Variants in ZCCHC7 observed in about 807,000 individuals in gnomAD.
ZCCHC7 encodes zinc finger CCHC domain-containing protein 7.
Under a neutral mutation model 52.0 loss-of-function variants are expected in ZCCHC7, and 35 were observed. The observed-to-expected ratio is 0.67, with a 90% CI of 0.51 to 0.89. The LOEUF (loss-of-function observed/expected upper bound fraction) is 0.89, where lower values mean the gene tolerates loss of function less well. Ranked by LOEUF, ZCCHC7 falls within the 40% of genes least tolerant of loss-of-function variation. The pLI, the probability that ZCCHC7 is intolerant of heterozygous loss-of-function variation, is 0.00. For synonymous variants in ZCCHC7, 217 were observed against 221.5 expected, an observed-to-expected ratio of 0.98 and a Z score of 0.18; for missense variants, 574 against 649.1, an observed-to-expected ratio of 0.88 and a Z score of 1.26.
At chr9:37,186,631 A>C (rs1180909239) in intron 2 of ZCCHC7, 1 of 472,798 alleles carries the variant, frequency 2.1e-6, no homozygotes, top group Non-Finnish European at 4.0e-6. Context: ...AGTATTGCTG[A>C]GTATCATGTA....
At chr9:37,274,613 A>G (rs763744326) in intron 2 of ZCCHC7, among the ~76,000 whole-genome samples, 24 of 152,068 alleles carry the variant, frequency 1.6e-4, no homozygotes, top group Non-Finnish European at 3.1e-4. Flanking sequence ...TGTTGGGATT[A>G]CAGGCATGAG....
intron 2 of ZCCHC7, among the ~76,000 whole-genome samples, chr9:37,297,529 A>C (rs1464238257): frequency 6.6e-6 from 1 of 152,232 alleles, no homozygotes; most frequent in East Asian, 1.9e-4. Context: ...AATCATACAT[A>C]CCTACCTTTT....
At chr9:37,189,353 C>G (rs1457408011) in intron 2 of ZCCHC7, among the ~76,000 whole-genome samples, 1 of 151,928 alleles carries the variant, frequency 6.6e-6, no homozygotes, top group African/African-American at 2.4e-5. Flanking sequence ...ATTTTGAGAC[C>G]TTTTGTCTTG....
intron 2 of ZCCHC7, among the ~76,000 whole-genome samples, chr9:37,179,039 C>T (rs1822207820): frequency 6.6e-6 from 1 of 152,130 alleles, no homozygotes; most frequent in East Asian, 1.9e-4. Context: ...TTGCCTCTGT[C>T]ATTATGTACT....
intron 5 of ZCCHC7, among the ~76,000 whole-genome samples, chr9:37,319,502 A>C (rs554272896): frequency 6.6e-6 from 1 of 152,242 alleles, no homozygotes; most frequent in South Asian, 2.1e-4. Flanking sequence ...ATCTCGGCTC[A>C]CTGCAACCTC....
At chr9:37,153,216 G>T (rs1386750221) in intron 2 of ZCCHC7, among the ~76,000 whole-genome samples, 1 of 151,932 alleles carries the variant, frequency 6.6e-6, no homozygotes, top group African/African-American at 2.4e-5. Context: ...TTTTGCCCAG[G>T]CTGGAGTGCA....
At chr9:37,232,057 G>A in intron 2 of ZCCHC7, among the ~76,000 whole-genome samples, 1 of 152,242 alleles carries the variant, frequency 6.6e-6, no homozygotes, top group East Asian at 1.9e-4. Flanking sequence ...CTGCGTTTTG[G>A]TTTACATGTG....
intron 2 of ZCCHC7, among the ~76,000 whole-genome samples, chr9:37,239,530 G>C (rs1378704158): frequency 1.3e-5 from 2 of 152,052 alleles, no homozygotes; most frequent in South Asian, 2.1e-4. Context: ...AGACAGGGAG[G>C]GTTTTAAGCA....
At chr9:37,240,739 G>T (rs1013829031) in intron 2 of ZCCHC7, among the ~76,000 whole-genome samples, 9 of 151,738 alleles carry the variant, frequency 5.9e-5, no homozygotes, top group African/African-American at 2.2e-4. Context: ...GATAGAGATG[G>T]CATACTTTAC....
At chr9:37,120,519 C>G, upstream of ZCCHC7, 1 of 399,066 alleles carries the variant, frequency 2.5e-6, no homozygotes, top group Non-Finnish European at 4.4e-6. Context: ...CCTTCCCTCC[C>G]GGGTCTGCGC....
chr9:37,302,248 T>C lies in ZCCHC7; in HGVS notation c.654+17T>C. 1 of 1,589,184 alleles carries C rather than the reference T, an allele frequency of 6.3e-7. No homozygotes were observed. Among genetic ancestry groups the C allele is most frequent in the Non-Finnish European group, 8.6e-7 (1 of 1,160,406 alleles). ...GACATTGAGGTAAAATCAAATTGTT[T>C]TTAAAATTCAGAATAATAATTTCCT... is the stretch of plus-strand genomic sequence containing the variant. On this transcript the variant is annotated intron_variant, in intron 3 of 8. Coordinates refer to ENST00000336755, the MANE Select transcript of ZCCHC7 (RefSeq NM_032226.3).
chr9:37,310,874 T>C (rs955232925), intron 5 of ZCCHC7, among the ~76,000 whole-genome samples: 1 of 151,500 alleles, frequency 6.6e-6, no homozygotes, highest in Non-Finnish European at 1.5e-5. Context: ...GGAGGATTGC[T>C]TGAGCCCAGG....
At chr9:37,211,098 A>C (rs568491545) in intron 2 of ZCCHC7, among the ~76,000 whole-genome samples, 1 of 152,330 alleles carries the variant, frequency 6.6e-6, no homozygotes, top group Admixed American at 6.5e-5. Context: ...AGTTTTAAAC[A>C]TTTTATTTTT....
chr9:37,319,167 A>C (rs1829953260), intron 5 of ZCCHC7, among the ~76,000 whole-genome samples: 1 of 33,122 alleles, frequency 3.0e-5, no homozygotes, highest in African/African-American at 9.2e-5. Context: ...CGCACTTATC[A>C]TCCTTATTTC....
At chr9:37,167,049 T>G (rs909048981) in intron 2 of ZCCHC7, among the ~76,000 whole-genome samples, 2 of 152,176 alleles carry the variant, frequency 1.3e-5, no homozygotes, top group Non-Finnish European at 2.9e-5. Context: ...TTCTTTCAGT[T>G]TTTTGGCCCT....
At chr9:37,131,296 C>T (rs1171131927) in intron 2 of ZCCHC7, among the ~76,000 whole-genome samples, 8 of 145,772 alleles carry the variant, frequency 5.5e-5, no homozygotes, top group Non-Finnish European at 7.5e-5. Flanking sequence ...GCCGAGATAG[C>T]GCCACTGCAC....
intron 2 of ZCCHC7, among the ~76,000 whole-genome samples, chr9:37,158,198 A>G (rs573175254): frequency 1.7e-3 from 263 of 152,338 alleles, no homozygotes; most frequent in Non-Finnish European, 3.1e-3. Context: ...GAGAGCATTT[A>G]TTGTGACAGT....
chr9:37,331,961 T>C (rs1359690834), intron 6 of ZCCHC7, among the ~76,000 whole-genome samples: 1 of 151,662 alleles, frequency 6.6e-6, no homozygotes, highest in Non-Finnish European at 1.5e-5. Flanking sequence ...TTTTGAGGCC[T>C]AGCACATAGG....
intron 2 of ZCCHC7, among the ~76,000 whole-genome samples, chr9:37,200,786 T>C (rs1823589642): frequency 6.6e-6 from 1 of 152,234 alleles, no homozygotes; most frequent in African/African-American, 2.4e-5. Context: ...ATATGAACCA[T>C]TGAAAGGCTC....
Sources: gnomAD v4.1 joint callset for allele counts (sites outside exome capture counted in the v4.1 genomes callset) on GRCh38, gnomAD v4.1.1 for gene constraint, MANE v1.5 for transcripts, NCBI Gene and HGNC (gene_info 2026-07-23, HGNC 2026-07-21) for gene names.